The following FBXW5 variants were observed in gnomAD, a reference collection of about 807,000 sequenced individuals.
FBXW5 encodes the protein F-box/WD repeat-containing protein 5.
Under a neutral mutation model 50.9 loss-of-function variants are expected in FBXW5, and 74 were observed. The observed-to-expected ratio is 1.45, with a 90% CI of 1.20 to 1.76. FBXW5 has a LOEUF of 1.76. Among genes scored for constraint, FBXW5 ranks in the 40% most tolerant of loss-of-function variants. FBXW5 has a pLI of 0.00. For missense variants in FBXW5, 1,073 were observed against 818.8 expected (o/e 1.31, Z -3.79); for synonymous variants, 523 against 362.2 (o/e 1.44, Z -5.04).
At chr9:136,943,208 G>A (rs1037158385) in intron 3 of FBXW5, 141 bp downstream of exon 3, 18 of 1,200,364 alleles carry the variant, frequency 1.5e-5, no homozygotes, top group African/African-American at 1.2e-4. Context: ...TGGTCCCTCC[G>A]CTGGATGCAG....
At chr9:136,944,444 C>A (rs1850953933) in intron 1 of FBXW5, 150 bp downstream of exon 1, 15 of 939,936 alleles carry the variant, frequency 1.6e-5, no homozygotes, top group Non-Finnish European at 1.9e-5. Context: ...CAGGCAGTGG[C>A]CTCCGCCCTG....
In FBXW5 at chr9:136,940,829, A is replaced by G; in HGVS notation, c.*99T>C. ...CTGGTTGTCCCCTTCCTAAGGCGTA[A>G]CTGCTATAAGCATCTCCACCTCTCC... On this transcript the variant is annotated 3_prime_UTR_variant, in exon 9 of 9. Transcript: ENST00000325285. The G allele has an allele frequency of 1.4e-6, 2 of 1,459,104 alleles. No homozygotes were observed. The highest frequency in any genetic ancestry group is 2.7e-5 in the South Asian group (2 of 74,392). 90.4% of individuals were successfully genotyped at this position (1,459,104 alleles called of 1,614,324 possible). A position where few individuals can be genotyped will look rare whatever the true frequency, so the allele number is the denominator to read the frequency against.
At chr9:136,941,878 T>A in intron 6 of FBXW5, 168 bp downstream of exon 6, 1 of 1,435,656 alleles carries the variant, frequency 7.0e-7, no homozygotes, top group South Asian at 1.5e-5. Context: ...CTGCGTTTGT[T>A]TTCACTGCTC....
intron 3 of FBXW5, 98 bp downstream of exon 3, chr9:136,943,251 C>A (rs1018577683): frequency 1.9e-5 from 21 of 1,118,436 alleles, no homozygotes; most frequent in Middle Eastern, 2.9e-4. Flanking sequence ...CTGACCCACC[C>A]CCCCCCCCAC....
chr9:136,941,518 A>G lies in FBXW5; in HGVS notation c.1244+19T>C. On this transcript the variant is annotated intron_variant, in intron 7 of 8. Coordinates refer to ENST00000325285, the MANE Select transcript of FBXW5 (RefSeq NM_018998.4). ...GCCGCCTGCGGGCACCCCGCCTGGG[A>G]CACTGGCAAGAGGCCCACCTGTTGT... 6.2e-7 allele frequency: 1 copy of G among 1,606,846 alleles called. No homozygotes were observed. The highest frequency in any genetic ancestry group is 8.5e-7 in the Non-Finnish European group (1 of 1,178,802).
intron 3 of FBXW5, 135 bp from the exon 4 acceptor site, chr9:136,943,078 CTG>C (rs1850860969): frequency 7.3e-7 from 1 of 1,369,330 alleles, no homozygotes; most frequent in Non-Finnish European, 1.0e-6. Context: ...CTTCCAGCCA[CTG>C]TCATCCACTC....
chr9:136,943,208 G>T, intron 3 of FBXW5, 141 bp downstream of exon 3: 1 of 1,200,472 alleles, frequency 8.3e-7, no homozygotes, highest in Non-Finnish European at 1.2e-6. Flanking sequence ...TGGTCCCTCC[G>T]CTGGATGCAG....
Position 136,942,960 on chromosome 9 carries a change from G to A in FBXW5, c.352-17C>T. On this transcript the variant is annotated splice_polypyrimidine_tract_variant and intron_variant, in intron 3 of 8. Transcript: ENST00000325285. ...GCTCCAGATCTGTTCGGCAGGGGCGGCTGTAGTGATCGCCTGGCCAGGTCG... is the reference window on the plus strand; with the variant it reads ...GCTCCAGATCTGTTCGGCAGGGGCGACTGTAGTGATCGCCTGGCCAGGTCG... The A allele has an allele frequency of 6.2e-7, 1 of 1,612,616 alleles. No homozygotes were observed. The highest frequency in any genetic ancestry group is 2.2e-5 in the East Asian group (1 of 44,870).
chr9:136,941,522 TGGCAAGA>T lies in FBXW5; in HGVS notation c.1244+8_1244+14del. 6.2e-7 allele frequency: 1 copy of T among 1,607,094 alleles called. No individual in the cohort carries two copies. Among genetic ancestry groups the T allele is most frequent in the Non-Finnish European group, 8.5e-7 (1 of 1,178,828 alleles). On this transcript the variant is annotated splice_region_variant and intron_variant, in intron 7 of 8. Coordinates refer to ENST00000325285, the MANE Select transcript of FBXW5 (RefSeq NM_018998.4). ...CCTGCGGGCACCCCGCCTGGGACAC[TGGCAAGA>T]GGCCCACCTGTTGTCGGGCGACAGG...
At chr9:136,942,499 GGGCGCCA>G (rs1564435061) in intron 5 of FBXW5, 33 bp from the exon 6 acceptor site, 22 of 1,598,654 alleles carry the variant, frequency 1.4e-5, no homozygotes, top group Non-Finnish European at 1.8e-5. Flanking sequence ...GGTGGGCGCC[GGGCGCCA>G]GGCCCCAGGA....
chr9:136,941,391 G>T lies in FBXW5; in HGVS notation c.1317C>A (p.Ile439=), dbSNP rs934354953. The T allele has an allele frequency of 6.2e-7, 1 of 1,611,348 alleles. No homozygotes were observed. The highest frequency in any genetic ancestry group is 1.7e-5 in the Admixed American group (1 of 60,032). The part of the protein sequence containing the change: ...VVADPMQPPP[I]AEEIDLLVFD... Reference sequence around the variant, plus strand: ...ACACCAGCAGGTCAATCTCCTCCGCGATTGGTGGCGGCTGCATGGGGTCGG... The same window carrying T: ...ACACCAGCAGGTCAATCTCCTCCGCTATTGGTGGCGGCTGCATGGGGTCGG... Residue 439 remains isoleucine (I), a synonymous_variant, in exon 8 of 9, where the codon ATC becomes ATA. Coordinates refer to ENST00000325285, the MANE Select transcript of FBXW5 (RefSeq NM_018998.4).
chr9:136,943,207 C>A (rs906253276), intron 3 of FBXW5, 142 bp downstream of exon 3: 1 of 1,200,806 alleles, frequency 8.3e-7, no homozygotes, highest in Non-Finnish European at 1.2e-6. Flanking sequence ...GTGGTCCCTC[C>A]GCTGGATGCA....
rs1352800736 is a variant in FBXW5, at chr9:136,942,206, C to T, written c.936G>A (p.Gly312=). The change falls in exon 6 of 9, where the codon GGG becomes GGA. Residue 312 remains glycine (G), a synonymous_variant. Transcript: ENST00000325285. ...LRHFLDRVLE[G]RAQPQLSERM... ...GCTCCGACAGCTGTGGCTGCGCCCG[C>T]CCCTCCAGCACGCGGTCCAGAAAGT... 1.9e-6 allele frequency: 3 copies of T among 1,594,012 alleles called. No individual in the cohort carries two copies. The highest frequency in any genetic ancestry group is 2.7e-5 in the African/African-American group (2 of 74,648).
At position 136,942,224 on chromosome 9, in the gene FBXW5, C is replaced by T. The variant is rs1262475373; in HGVS notation, c.918G>A (p.Leu306=). ...GCGCCCGCCCCTCCAGCACGCGGTC[C>T]AGAAAGTGCCGCAAGCCCTCCTTGG... ...AHAKEGLRHF[L]DRVLEGRAQP... The change falls in exon 6 of 9, where the codon CTG becomes CTA. Residue 306 remains leucine (L), a synonymous_variant. Coordinates refer to ENST00000325285, the MANE Select transcript of FBXW5 (RefSeq NM_018998.4). 1 of 1,591,060 alleles carries T rather than the reference C, an allele frequency of 6.3e-7. No homozygotes were observed. Among genetic ancestry groups the T allele is most frequent in the Non-Finnish European group, 8.5e-7 (1 of 1,169,996 alleles).
intron 3 of FBXW5, 147 bp downstream of exon 3, chr9:136,943,202 C>T: frequency 8.6e-7 from 1 of 1,163,662 alleles, no homozygotes; most frequent in South Asian, 1.5e-5. Flanking sequence ...CCTCTGTGGT[C>T]CCTCCGCTGG....
intron 1 of FBXW5, 196 bp downstream of exon 1, chr9:136,944,398 G>A (rs1192283816): frequency 7.7e-6 from 6 of 778,964 alleles, no homozygotes; most frequent in Middle Eastern, 1.1e-3. Flanking sequence ...GCGCCGTCCG[G>A]GGACGGGCTT....
chr9:136,941,811 C>T (rs1850782473), intron 6 of FBXW5, 127 bp from the exon 7 acceptor site: 8 of 1,444,408 alleles, frequency 5.5e-6, no homozygotes, highest in African/African-American at 1.4e-5. Context: ...ACTGCCTGCT[C>T]CGGGGGCCCC....
At position 136,942,432 on chromosome 9, in the gene FBXW5, C is replaced by T. The variant is rs11554212; in HGVS notation, c.710G>A (p.Arg237Gln). 5.6e-4 allele frequency: 896 copies of T among 1,601,408 alleles called. 3 individuals carry two copies. The highest frequency in any genetic ancestry group is 6.8e-4 in the Non-Finnish European group (797 of 1,171,162). ...VESENVNVVK[R>Q]LFKIQNLNAS... ...ATTGAGGTTCTGGATCTTGAACAGCCGCTTCACCACGTTGACGTTCTCTGA... is the reference window on the plus strand; with the variant it reads ...ATTGAGGTTCTGGATCTTGAACAGCTGCTTCACCACGTTGACGTTCTCTGA... Residue 237 changes from arginine to glutamine, a missense_variant, in exon 6 of 9, where the codon CGG becomes CAG. Transcript: ENST00000325285.
In FBXW5 at chr9:136,942,340, C is replaced by T; in HGVS notation, c.802G>A (p.Glu268Lys). The T allele has an allele frequency of 6.2e-7, 1 of 1,604,834 alleles. No individual in the cohort carries two copies. Among genetic ancestry groups the T allele is most frequent in the Non-Finnish European group, 8.5e-7 (1 of 1,176,648 alleles). Residue 268 changes from glutamate (E) to lysine (K), a missense_variant, in exon 6 of 9, where the codon GAA (glutamate) becomes AAA (lysine). Glu to Lys is a moderately conservative substitution (Grantham distance 56). Coordinates refer to ENST00000325285, the MANE Select transcript of FBXW5 (RefSeq NM_018998.4). ...GGGGACGTGGCCGGGTCACCGGCTT[C>T]CAGCAGCAGGTCAGGGCTGTCGAAG... ...SRFDSPDLLL[E>K]AGDPATSPCR...
Sources: allele counts gnomAD v4.1 joint callset, GRCh38; gene constraint gnomAD v4.1.1; transcripts MANE v1.5; gene names NCBI Gene and HGNC (gene_info 2026-07-23, HGNC 2026-07-21).